IL1RAPL1: variants seen among roughly 807,000 people sequenced by gnomAD.
The protein encoded by IL1RAPL1 is interleukin-1 receptor accessory protein-like 1.
In IL1RAPL1, 3 loss-of-function variants were observed where a neutral mutation model predicts 48.4. The ratio of observed to expected loss-of-function variants is 0.06; its 90% CI spans 0.03 to 0.16. The LOEUF is 0.16. Ranked by LOEUF, IL1RAPL1 falls within the 10% of genes least tolerant of loss-of-function variation. The pLI, the probability that IL1RAPL1 is intolerant of heterozygous loss-of-function variation, is 1.00. For missense variants in IL1RAPL1, 349 were observed against 530.6 expected, an observed-to-expected ratio of 0.66 and a Z score of 3.36; for synonymous variants, 185 against 187.7, an observed-to-expected ratio of 0.99 and a Z score of 0.12.
chrX:28,977,713 C>T (rs1209574445), intron 2 of IL1RAPL1, among the ~76,000 whole-genome samples: 2 of 112,378 alleles, frequency 1.8e-5, no homozygotes, highest in Non-Finnish European at 3.8e-5. Flanking sequence ...CAAGTCAGCA[C>T]TTTGGGAGGC....
rs141195477 is a variant in IL1RAPL1, at chrX:29,949,934, G to A, written c.1202-4588G>A. On this transcript the variant is annotated intron_variant, in intron 9 of 10. Coordinates refer to ENST00000378993, the MANE Select transcript of IL1RAPL1 (RefSeq NM_014271.4). ...AATTTAGTATGGCATCTGGCACTCT[G>A]CTTCCGGTCTGACAACTTTTCAAAT... Among the ~76,000 whole-genome samples the A allele has an allele frequency of 4.9e-3, 545 of 112,118 alleles. 1 individual carries two copies. Among genetic ancestry groups the A allele is most frequent in the Non-Finnish European group, 8.0e-3 (427 of 53,208 alleles).
intron 8 of IL1RAPL1, among the ~76,000 whole-genome samples, chrX:29,940,330 T>C (rs1376644220): frequency 8.9e-6 from 1 of 111,777 alleles, no homozygotes; most frequent in Non-Finnish European, 1.9e-5. Context: ...AACTCAGGAC[T>C]GATCTGATAA....
At chrX:29,645,124 C>A (rs1197105246) in intron 5 of IL1RAPL1, among the ~76,000 whole-genome samples, 4 of 112,573 alleles carry the variant, frequency 3.6e-5, no homozygotes, top group Non-Finnish European at 5.6e-5. Context: ...TCATAAATTT[C>A]TTAAAGAAGG....
chrX:28,755,883 T>A (rs1437240257), intron 1 of IL1RAPL1, among the ~76,000 whole-genome samples: 1 of 111,613 alleles, frequency 9.0e-6, no homozygotes, highest in Non-Finnish European at 1.9e-5. Flanking sequence ...GAATTTCTGA[T>A]TCAGAGAGTC....
chrX:28,787,434 G>A (rs1285385281), intron 1 of IL1RAPL1, among the ~76,000 whole-genome samples: 1 of 111,635 alleles, frequency 9.0e-6, no homozygotes, highest in East Asian at 2.8e-4. Flanking sequence ...GTACTTTAAT[G>A]TGGCAGTTCA....
intron 2 of IL1RAPL1, among the ~76,000 whole-genome samples, chrX:29,148,797 T>G (rs1929400114): frequency 8.9e-6 from 1 of 111,799 alleles, no homozygotes; most frequent in Admixed American, 9.6e-5. Context: ...AATGATTTTC[T>G]GAAGCTTTCG....
chrX:29,130,933 A>G (rs1175696076), intron 2 of IL1RAPL1, among the ~76,000 whole-genome samples: 1 of 112,472 alleles, frequency 8.9e-6, no homozygotes, highest in Admixed American at 9.5e-5. Context: ...AACTTGCCAC[A>G]TTGGTGATAG....
chrX:29,779,237 T>A (rs1361968118), intron 6 of IL1RAPL1, among the ~76,000 whole-genome samples: 5 of 111,738 alleles, frequency 4.5e-5, no homozygotes, highest in Admixed American at 3.8e-4. Context: ...AGTGGTAGAA[T>A]GGCAGGGACC....
At chrX:28,958,104 A>G (rs1046587444) in intron 2 of IL1RAPL1, among the ~76,000 whole-genome samples, 1 of 111,783 alleles carries the variant, frequency 8.9e-6, no homozygotes, top group African/African-American at 3.3e-5. Flanking sequence ...GTCACCTCAC[A>G]TACATACCAT....
intron 6 of IL1RAPL1, among the ~76,000 whole-genome samples, chrX:29,876,688 T>C (rs147428801): frequency 0.011 from 1,188 of 111,206 alleles, 13 homozygotes; most frequent in African/African-American, 0.035. Context: ...CAAGGCCCCA[T>C]CTCTGCCTTC....
intron 1 of IL1RAPL1, among the ~76,000 whole-genome samples, chrX:28,663,725 A>G (rs924439170): frequency 2.8e-5 from 3 of 107,071 alleles, no homozygotes; most frequent in Middle Eastern, 4.4e-3. Context: ...ATAGCGATCT[A>G]TTGGCCCCAT....
At chrX:28,701,833 T>G (rs1411839717) in intron 1 of IL1RAPL1, among the ~76,000 whole-genome samples, 2 of 111,296 alleles carry the variant, frequency 1.8e-5, no homozygotes. Flanking sequence ...GAGGGTAATT[T>G]AAATGAGGTT....
At chrX:29,017,172 T>A (rs1926260176) in intron 2 of IL1RAPL1, among the ~76,000 whole-genome samples, 2 of 112,154 alleles carry the variant, frequency 1.8e-5, no homozygotes, top group Non-Finnish European at 1.9e-5. Context: ...AATATTTAGT[T>A]ACACATGGTC....
At chrX:29,562,680 T>G (rs1314156345) in intron 5 of IL1RAPL1, among the ~76,000 whole-genome samples, 1 of 111,996 alleles carries the variant, frequency 8.9e-6, no homozygotes, top group Admixed American at 9.4e-5. Flanking sequence ...ACCTGTCATA[T>G]TGCTGTTTTG....
chrX:28,906,487 GC>G (rs1923219111), intron 2 of IL1RAPL1, among the ~76,000 whole-genome samples: 1 of 111,724 alleles, frequency 9.0e-6, no homozygotes, highest in Non-Finnish European at 1.9e-5. Flanking sequence ...TTTTATATTG[GC>G]TAGATGAGTT....
intron 1 of IL1RAPL1, among the ~76,000 whole-genome samples, chrX:28,653,614 T>C (rs1934713817): frequency 8.9e-6 from 1 of 112,068 alleles, no homozygotes; most frequent in African/African-American, 3.2e-5. Context: ...GCTCTCACAT[T>C]GCTAGAGGTA....
intron 8 of IL1RAPL1, among the ~76,000 whole-genome samples, chrX:29,936,594 C>T (rs187159454): frequency 3.7e-5 from 4 of 108,752 alleles, no homozygotes; most frequent in African/African-American, 1.3e-4. Flanking sequence ...AACTGCAAGT[C>T]AAGAGTTCAA....
chrX:28,679,403 TTTTG>T (rs1482492511), intron 1 of IL1RAPL1, among the ~76,000 whole-genome samples: 3 of 111,418 alleles, frequency 2.7e-5, no homozygotes, highest in Non-Finnish European at 5.7e-5. Flanking sequence ...ACTTCGTAAG[TTTTG>T]TTTTTGTTTT....
rs140847456 is a variant in IL1RAPL1, at chrX:28,632,886, C to CT, written c.-25+44861dup. On this transcript the variant is annotated intron_variant, in intron 1 of 10. Coordinates refer to ENST00000378993, the MANE Select transcript of IL1RAPL1 (RefSeq NM_014271.4). ...AACCTCTAGAAAACTTCACTGTATG[C>CT]TTTTTTTTTTTTTTTTTTTTTTGAC... 3.6e-3 allele frequency among the ~76,000 whole-genome samples: 147 copies of CT among 40,575 alleles called. 1 individual carries two copies. The highest frequency in any genetic ancestry group is 0.012 in the African/African-American group (124 of 10,225). 35.2% of individuals were successfully genotyped at this position (40,575 alleles called of 115,157 possible). A position where few individuals can be genotyped will look rare whatever the true frequency, so the allele number is the denominator to read the frequency against.
Sources: allele counts gnomAD v4.1 joint callset (sites outside exome capture counted in the v4.1 genomes callset), GRCh38; gene constraint gnomAD v4.1.1; transcripts MANE v1.5; gene names NCBI Gene and HGNC (gene_info 2026-07-23, HGNC 2026-07-21).